Variants in TRIM33 observed in about 807,000 individuals in gnomAD.
TRIM33 encodes the protein tripartite motif containing 33.
In TRIM33, 20 loss-of-function variants were observed where a neutral mutation model predicts 125.4. That is an observed-to-expected ratio of 0.16 (90% CI 0.11 to 0.23). The LOEUF (loss-of-function observed/expected upper bound fraction) is 0.23, where lower values mean the gene tolerates loss of function less well. TRIM33 is among the 10% of genes least tolerant of loss of function. TRIM33 has a pLI of 1.00. For synonymous variants in TRIM33, 564 were observed against 513.9 expected (o/e 1.10, Z -1.32); for missense variants, 920 against 1,411.4 (o/e 0.65, Z 5.58).
At chr1:114,506,059 T>C (rs1319257629) in intron 1 of TRIM33, among the ~76,000 whole-genome samples, 3 of 152,112 alleles carry the variant, frequency 2.0e-5, no homozygotes, top group African/African-American at 7.2e-5. Flanking sequence ...ACTTCCTAGG[T>C]TCCTTGCCCA....
At chr1:114,425,085 G>C (rs1647473272) in intron 9 of TRIM33, among the ~76,000 whole-genome samples, 1 of 152,098 alleles carries the variant, frequency 6.6e-6, no homozygotes, top group Non-Finnish European at 1.5e-5. Flanking sequence ...AAGACACACA[G>C]GTATAGGAAA....
In TRIM33 at chr1:114,396,654, G is replaced by C. The variant is rs1307361210; in HGVS notation, c.*994C>G. 1 of 202,480 alleles carries C rather than the reference G, an allele frequency of 4.9e-6. No homozygotes were observed. The allele number at this position is 202,480 out of a possible 1,614,324, so 12.5% of individuals were successfully genotyped here. ...AGCAAATGTTGCTGATCTGCCAAAA[G>C]TTTTAGTTCACTATTTACAAATAAG... On this transcript the variant is annotated 3_prime_UTR_variant, in exon 20 of 20. Transcript: ENST00000358465.
At chr1:114,504,768 A>G (rs543625486) in intron 1 of TRIM33, among the ~76,000 whole-genome samples, 3 of 152,342 alleles carry the variant, frequency 2.0e-5, no homozygotes, top group African/African-American at 7.2e-5. Flanking sequence ...GACATTATAA[A>G]GACTTAGGAT....
At chr1:114,456,076 T>G (rs1214775072) in intron 4 of TRIM33, among the ~76,000 whole-genome samples, 1 of 152,208 alleles carries the variant, frequency 6.6e-6, no homozygotes, top group Non-Finnish European at 1.5e-5. Context: ...ACATTTAGAT[T>G]AAAACTAGAA....
At chr1:114,420,986 T>C (rs1331836739) in intron 11 of TRIM33, among the ~76,000 whole-genome samples, 1 of 152,160 alleles carries the variant, frequency 6.6e-6, no homozygotes, top group East Asian at 1.9e-4. Flanking sequence ...TGTCCATCAA[T>C]GGATGAATGG....
In TRIM33 at chr1:114,396,363, T is replaced by TTA. The variant is rs1651545431; in HGVS notation, c.*1284_*1285insTA. On this transcript the variant is annotated 3_prime_UTR_variant, in exon 20 of 20. Coordinates refer to ENST00000358465, the MANE Select transcript of TRIM33 (RefSeq NM_015906.4). ...CATTTTCAGGATTTACTTACAGGTC[T>TTA]CTTCTAAGTCCTTTAAGCCCCCAGT... 1 of 203,642 alleles carries TTA rather than the reference T, an allele frequency of 4.9e-6. No individual in the cohort carries two copies. Among genetic ancestry groups the TTA allele is most frequent in the Non-Finnish European group, 1.0e-5 (1 of 98,956 alleles). 12.6% of individuals were successfully genotyped at this position (203,642 alleles called of 1,614,324 possible).
intron 17 of TRIM33, among the ~76,000 whole-genome samples, chr1:114,400,881 C>G (rs1401877350): frequency 6.6e-6 from 1 of 152,120 alleles, no homozygotes; most frequent in East Asian, 1.9e-4. Context: ...ATAGACTATG[C>G]TAAATATTTT....
At chr1:114,499,461 GTAAGGAAAA>G (rs1652580009) in intron 1 of TRIM33, among the ~76,000 whole-genome samples, 1 of 150,654 alleles carries the variant, frequency 6.6e-6, no homozygotes, top group South Asian at 2.1e-4. Flanking sequence ...TGGGTTCGGG[GTAAGGAAAA>G]AAGTTTTCTC....
chr1:114,452,213 C>T (rs963009917), intron 4 of TRIM33, among the ~76,000 whole-genome samples: 13 of 152,056 alleles, frequency 8.5e-5, no homozygotes, highest in African/African-American at 3.1e-4. Context: ...GTGGCTCATG[C>T]CTGTAATCCC....
chr1:114,421,940 C>T (rs567620907), intron 10 of TRIM33, among the ~76,000 whole-genome samples: 9 of 152,186 alleles, frequency 5.9e-5, no homozygotes, highest in African/African-American at 2.2e-4. Flanking sequence ...TTTCAAACAC[C>T]GGGGTAAGAG....
At chr1:114,496,779 T>C (rs543172113) in intron 1 of TRIM33, among the ~76,000 whole-genome samples, 2 of 152,370 alleles carry the variant, frequency 1.3e-5, no homozygotes, top group East Asian at 1.9e-4. Flanking sequence ...AAACTTCCCA[T>C]GTTTGAAGAG....
intron 4 of TRIM33, among the ~76,000 whole-genome samples, chr1:114,449,932 G>A (rs535642049): frequency 6.6e-6 from 1 of 152,080 alleles, no homozygotes; most frequent in South Asian, 2.1e-4. Flanking sequence ...GTCATTTTAG[G>A]CATTCCCTTA....
intron 1 of TRIM33, among the ~76,000 whole-genome samples, chr1:114,477,116 G>T (rs1651021024): frequency 6.6e-6 from 1 of 152,026 alleles, no homozygotes; most frequent in Non-Finnish European, 1.5e-5. Context: ...GATCAGTAAG[G>T]TTTACCAAGA....
chr1:114,421,364 C>A, intron 11 of TRIM33, 72 bp downstream of exon 11: 8 of 1,290,396 alleles, frequency 6.2e-6, no homozygotes, highest in Non-Finnish European at 8.7e-6. Flanking sequence ...AAAAAAAAAA[C>A]TCTGAAATAA....
At chr1:114,453,076 A>G (rs1047451612) in intron 4 of TRIM33, among the ~76,000 whole-genome samples, 2 of 152,142 alleles carry the variant, frequency 1.3e-5, no homozygotes, top group Non-Finnish European at 2.9e-5. Context: ...TAAGACACAC[A>G]GAAGTGGATA....
Position 114,425,479 on chromosome 1 carries a change from T to G in TRIM33, c.1665A>C (p.Arg555Ser). 6.2e-7 allele frequency: 1 copy of G among 1,614,100 alleles called. No homozygotes were observed. The highest frequency in any genetic ancestry group is 8.5e-7 in the Non-Finnish European group (1 of 1,179,994). ...TTTTTTQQHP[R>S]QAAPQMLQQQ... ...GTTGTAACATCTGAGGGGCTGCTTG[T>G]CTAGGATGCTGTTGTGTTGTTGTTG... is the stretch of plus-strand genomic sequence containing the variant. The change falls in exon 9 of 20, where the codon AGA becomes AGC. Residue 555 changes from arginine to serine, a missense_variant. Transcript: ENST00000358465.
At chr1:114,494,521 C>T (rs111997805) in intron 1 of TRIM33, among the ~76,000 whole-genome samples, 3 of 152,210 alleles carry the variant, frequency 2.0e-5, no homozygotes, top group Admixed American at 6.5e-5. Flanking sequence ...TAAAACACAA[C>T]TGCTAGGCAA....
intron 1 of TRIM33, among the ~76,000 whole-genome samples, chr1:114,499,690 C>T (rs1471430801): frequency 1.3e-5 from 2 of 152,134 alleles, no homozygotes; most frequent in Non-Finnish European, 2.9e-5. Context: ...TTCCCTAAAA[C>T]CAGTCTGGCA....
chr1:114,407,553 T>C (rs1652326700), intron 13 of TRIM33, among the ~76,000 whole-genome samples: 1 of 152,152 alleles, frequency 6.6e-6, no homozygotes, highest in East Asian at 1.9e-4. Flanking sequence ...ATGTACAAAA[T>C]GAACCCGAAA....
Sources: gnomAD v4.1 joint callset for allele counts (sites outside exome capture counted in the v4.1 genomes callset) on GRCh38, gnomAD v4.1.1 for gene constraint, MANE v1.5 for transcripts, NCBI Gene and HGNC (gene_info 2026-07-23, HGNC 2026-07-21) for gene names.